CNNM2: variants seen among roughly 807,000 people sequenced by gnomAD.
CNNM2 encodes the protein metal transporter CNNM2.
A neutral mutation model predicts 66.9 loss-of-function variants in CNNM2; 12 were observed. The observed-to-expected ratio is 0.18, with a 90% confidence interval of 0.11 to 0.29. The LOEUF is 0.29. Ranked by LOEUF, CNNM2 falls within the 10% of genes least tolerant of loss-of-function variation. The pLI, the probability that CNNM2 is intolerant of heterozygous loss-of-function variation, is 1.00. For synonymous variants in CNNM2, 557 were observed against 501.8 expected (o/e 1.11, Z -1.47); for missense variants, 705 against 1,167.7 (o/e 0.60, Z 5.77).
At chr10:102,959,679 G>C (rs1847173635) in intron 1 of CNNM2, among the ~76,000 whole-genome samples, 1 of 152,174 alleles carries the variant, frequency 6.6e-6, no homozygotes, top group Non-Finnish European at 1.5e-5. Flanking sequence ...TGGGCTCAAG[G>C]AATCCTCCTG....
At chr10:103,063,124 AAAATGTGTCT>A (rs1467431093) in intron 4 of CNNM2, among the ~76,000 whole-genome samples, 1 of 152,248 alleles carries the variant, frequency 6.6e-6, no homozygotes, top group Non-Finnish European at 1.5e-5. Flanking sequence ...CAGATGGTCC[AAAATGTGTCT>A]AAATTAATTT....
At chr10:102,999,239 T>C (rs892928981) in intron 1 of CNNM2, among the ~76,000 whole-genome samples, 4 of 140,240 alleles carry the variant, frequency 2.9e-5, no homozygotes, top group Admixed American at 2.8e-4. Context: ...CCCGGCTAAT[T>C]TTTTTTTTTT....
rs182845870 is a variant in CNNM2, at chr10:103,035,822, T to C, written c.1622-13885T>C. Among the ~76,000 whole-genome samples, 3 of 152,316 alleles carry C rather than the reference T, an allele frequency of 2.0e-5. No individual in the cohort carries two copies. The East Asian group carries it at 5.8e-4, about 29-fold the overall frequency. On this transcript the variant is annotated intron_variant, in intron 1 of 7. Transcript: ENST00000369878. ...TCTTTGATAGGACCATCCACTTGGA[T>C]GGCTAGAAGTAAATGACTTGGCTTC...
In CNNM2 at chr10:103,001,576, C is replaced by T. The variant is rs112961699; in HGVS notation, c.1622-48131C>T. 8.9e-3 allele frequency among the ~76,000 whole-genome samples: 1,351 copies of T among 152,274 alleles called. 11 individuals carry two copies. The highest frequency in any genetic ancestry group is 0.015 in the Non-Finnish European group (994 of 68,014). On this transcript the variant is annotated intron_variant, in intron 1 of 7. Coordinates refer to ENST00000369878, the MANE Select transcript of CNNM2 (RefSeq NM_017649.5). ...TATCTATTTGTAGACTATTCATTCT[C>T]ATAGTCTTTTCAACAAAACAGTGTG...
chr10:102,937,394 A>G (rs957986212), intron 1 of CNNM2, among the ~76,000 whole-genome samples: 3 of 152,204 alleles, frequency 2.0e-5, no homozygotes, highest in Non-Finnish European at 4.4e-5. Flanking sequence ...ATGTTTTGTT[A>G]AGTAGTTGAG....
chr10:102,953,086 C>T (rs922989817), intron 1 of CNNM2, among the ~76,000 whole-genome samples: 1 of 152,084 alleles, frequency 6.6e-6, no homozygotes, highest in Non-Finnish European at 1.5e-5. Flanking sequence ...CAGTATTGCA[C>T]CTGTTATATT....
In CNNM2 at chr10:103,077,761, A is replaced by G. The variant is rs951077445; in HGVS notation, c.*581A>G. 1 of 155,054 alleles carries G rather than the reference A, an allele frequency of 6.4e-6. No individual in the cohort carries two copies. Among genetic ancestry groups the G allele is most frequent in the Non-Finnish European group, 1.4e-5 (1 of 69,688 alleles). The allele number at this position is 155,054 out of a possible 1,614,324, so 9.6% of individuals were successfully genotyped here. A position where few individuals can be genotyped will look rare whatever the true frequency, so the allele number is the denominator to read the frequency against. Reference sequence around the variant, plus strand: ...TGCAGAACCTGCCAAGTCTGTCATCACTGTGGGGTGTAGCCTGCCTCAGAG... The same window carrying G: ...TGCAGAACCTGCCAAGTCTGTCATCGCTGTGGGGTGTAGCCTGCCTCAGAG... On this transcript the variant is annotated 3_prime_UTR_variant, in exon 8 of 8. Transcript: ENST00000369878.
At chr10:103,072,940 G>A (rs2134366485) in intron 6 of CNNM2, among the ~76,000 whole-genome samples, 1 of 152,336 alleles carries the variant, frequency 6.6e-6, no homozygotes, top group Non-Finnish European at 1.5e-5. Context: ...TGTATGGACT[G>A]TATCACCTTC....
chr10:102,958,000 G>A (rs1418728619), intron 1 of CNNM2, among the ~76,000 whole-genome samples: 2 of 152,154 alleles, frequency 1.3e-5, no homozygotes, highest in Non-Finnish European at 2.9e-5. Flanking sequence ...GCAGTGGCAC[G>A]ATCTTGGCTC....
At chr10:103,074,269 C>T (rs189283005) in intron 6 of CNNM2, among the ~76,000 whole-genome samples, 7 of 151,640 alleles carry the variant, frequency 4.6e-5, no homozygotes, top group South Asian at 2.1e-4. Context: ...GCCTGGGTGA[C>T]GAGAGGGAGA....
At chr10:102,997,637 G>A (rs1029958885) in intron 1 of CNNM2, among the ~76,000 whole-genome samples, 8 of 151,952 alleles carry the variant, frequency 5.3e-5, no homozygotes, top group African/African-American at 1.9e-4. Flanking sequence ...TATTTATAAA[G>A]TATAATTTAT....
In CNNM2 at chr10:103,035,966, T is replaced by G. The variant is rs4633383; in HGVS notation, c.1622-13741T>G. On this transcript the variant is annotated intron_variant, in intron 1 of 7. Transcript: ENST00000369878. ...TCTGGCATAGCGCACACACATTAGT[T>G]TGTCTTCTTATACGCATCAGTCATT... Among the ~76,000 whole-genome samples, 15,868 of 152,236 alleles carry G rather than the reference T, an allele frequency of 0.1. 1,072 individuals carry two copies. The highest frequency in any genetic ancestry group is 0.15 in the Non-Finnish European group (9,940 of 68,000).
At chr10:103,046,535 G>A (rs1405245720) in intron 1 of CNNM2, among the ~76,000 whole-genome samples, 1 of 152,132 alleles carries the variant, frequency 6.6e-6, no homozygotes, top group Non-Finnish European at 1.5e-5. Flanking sequence ...ATTTATGTGG[G>A]TTCTATCTTT....
chr10:102,985,280 C>G (rs1287571004), intron 1 of CNNM2, among the ~76,000 whole-genome samples: 1 of 152,014 alleles, frequency 6.6e-6, no homozygotes, highest in Non-Finnish European at 1.5e-5. Flanking sequence ...CCTCTTGTTT[C>G]ATGTAATTAG....
Position 103,054,482 on chromosome 10 carries a change from C to A in CNNM2, c.1903+16C>A. The A allele has an allele frequency of 6.2e-7, 1 of 1,612,832 alleles. No individual in the cohort carries two copies. Among genetic ancestry groups the A allele is most frequent in the Non-Finnish European group, 8.5e-7 (1 of 1,179,204 alleles). On this transcript the variant is annotated intron_variant, in intron 3 of 7. Transcript: ENST00000369878. The surrounding 1 kb of genome is among the most constrained non-coding windows in gnomAD (Gnocchi z 5.2). ...CTAGCAACAGGCAAGTGCAGCTTAT[C>A]ACAGTTTGAGATCTCTACCAACCCT...
intron 1 of CNNM2, among the ~76,000 whole-genome samples, chr10:102,976,611 ATTTTTTT>A (rs66498944): frequency 6.1e-4 from 36 of 59,444 alleles, no homozygotes; most frequent in South Asian, 2.0e-3. Context: ...CGCCCAGGTA[ATTTTTTT>A]TTTTTTTTTT....
At chr10:103,030,308 T>G (rs777777170) in intron 1 of CNNM2, among the ~76,000 whole-genome samples, 1 of 152,150 alleles carries the variant, frequency 6.6e-6, no homozygotes, top group South Asian at 2.1e-4. Context: ...TTTAATAAGA[T>G]TACTATGGCA....
chr10:103,082,459 C>A lies in CNNM2; in HGVS notation c.*5279C>A, dbSNP rs1343629350. Reference sequence around the variant, plus strand: ...CGCTTCTGATCATTACTCCCCAAGTCTGAATCTACTGTGAAGGTGAAGTTA... The same window carrying A: ...CGCTTCTGATCATTACTCCCCAAGTATGAATCTACTGTGAAGGTGAAGTTA... On this transcript the variant is annotated 3_prime_UTR_variant, in exon 8 of 8. Transcript: ENST00000369878. 6.6e-6 allele frequency: 1 copy of A among 152,234 alleles called. No homozygotes were observed. Among genetic ancestry groups the A allele is most frequent in the Non-Finnish European group, 1.5e-5 (1 of 68,038 alleles). 9.4% of individuals were successfully genotyped at this position (152,234 alleles called of 1,614,324 possible).
intron 1 of CNNM2, among the ~76,000 whole-genome samples, chr10:103,038,309 A>T (rs1266116654): frequency 1.3e-5 from 2 of 152,174 alleles, no homozygotes; most frequent in Admixed American, 1.3e-4. Flanking sequence ...GGAGATTTTT[A>T]CAGAGAAGTG....
Sources: allele counts gnomAD v4.1 joint callset (sites outside exome capture counted in the v4.1 genomes callset), GRCh38; gene constraint gnomAD v4.1.1; non-coding constraint Gnocchi (gnomAD v3.1); transcripts MANE v1.5; gene names NCBI Gene and HGNC (gene_info 2026-07-23, HGNC 2026-07-21).